FRMD6: variants seen among roughly 807,000 people sequenced by gnomAD.
The protein encoded by FRMD6 is FERM domain containing 6, also known as FERM domain-containing protein 6.
Under a neutral mutation model 73.2 loss-of-function variants are expected in FRMD6, and 37 were observed. The observed-to-expected ratio is 0.51, with a 90% CI of 0.39 to 0.66. FRMD6 has a LOEUF of 0.66. Among genes scored for constraint, FRMD6 ranks in the 30% least tolerant of loss-of-function variants. The pLI is 0.00. For missense variants in FRMD6, 714 were observed against 780.5 expected, an observed-to-expected ratio of 0.91 and a Z score of 1.02; for synonymous variants, 273 against 282.2, an observed-to-expected ratio of 0.97 and a Z score of 0.33.
intron 1 of FRMD6, among the ~76,000 whole-genome samples, chr14:51,502,079 T>C (rs1158982503): frequency 6.6e-6 from 1 of 152,218 alleles, no homozygotes; most frequent in East Asian, 1.9e-4. Flanking sequence ...GTTGTTTTTT[T>C]CTTGTAACTT....
the FRMD6 span, among the ~76,000 whole-genome samples, chr14:51,478,264 T>A: frequency 6.6e-6 from 1 of 152,222 alleles, no homozygotes; most frequent in Non-Finnish European, 1.5e-5. Flanking sequence ...AAGCTGAGGC[T>A]TTAAGAAACT....
chr14:51,537,170 C>T (rs1164415886), intron 1 of FRMD6, among the ~76,000 whole-genome samples: 1 of 152,194 alleles, frequency 6.6e-6, no homozygotes, highest in Non-Finnish European at 1.5e-5. Flanking sequence ...CCCTTTAGTG[C>T]TTTTCCTATT....
upstream of FRMD6, among the ~76,000 whole-genome samples, chr14:51,647,384 C>G (rs552228183): frequency 6.6e-6 from 1 of 152,256 alleles, no homozygotes; most frequent in South Asian, 2.1e-4. Flanking sequence ...AATCAATTTT[C>G]CTGACTTTTC....
the FRMD6 span, among the ~76,000 whole-genome samples, chr14:51,445,129 C>T: frequency 6.6e-6 from 1 of 152,142 alleles, no homozygotes; most frequent in Non-Finnish European, 1.5e-5. Context: ...TAGATTTGCT[C>T]CCTGCCAAGA....
intron 1 of FRMD6, among the ~76,000 whole-genome samples, chr14:51,498,254 A>G (rs1883414204): frequency 6.6e-6 from 1 of 152,350 alleles, no homozygotes; most frequent in South Asian, 2.1e-4. Context: ...ACAAGTTACC[A>G]CAGGAAATTA....
At chr14:51,496,457 G>A (rs1596494054) in intron 1 of FRMD6, among the ~76,000 whole-genome samples, 1 of 152,194 alleles carries the variant, frequency 6.6e-6, no homozygotes, top group African/African-American at 2.4e-5. Context: ...TCACTCCCAT[G>A]TCTGGGGCCT....
At chr14:51,477,375 A>G in the FRMD6 span, among the ~76,000 whole-genome samples, 49 of 152,312 alleles carry the variant, frequency 3.2e-4, no homozygotes, top group African/African-American at 1.2e-3. Flanking sequence ...TCATTTTCAT[A>G]TTTACAAGAA....
At chr14:51,706,513 T>C (rs1896630323) in intron 6 of FRMD6, among the ~76,000 whole-genome samples, 1 of 152,120 alleles carries the variant, frequency 6.6e-6, no homozygotes, top group Non-Finnish European at 1.5e-5. Flanking sequence ...GTCCTGCACC[T>C]TGAACTTTAG....
At chr14:51,585,393 G>A (rs1888970008) in intron 2 of FRMD6, among the ~76,000 whole-genome samples, 2 of 152,096 alleles carry the variant, frequency 1.3e-5, no homozygotes, top group Admixed American at 1.3e-4. Context: ...TTGTGATGAG[G>A]CTACAATTTA....
intron 1 of FRMD6, among the ~76,000 whole-genome samples, chr14:51,539,905 T>G (rs920829949): frequency 6.6e-5 from 10 of 152,176 alleles, no homozygotes; most frequent in East Asian, 1.9e-4. Flanking sequence ...ATTAGTTCAC[T>G]CTAACAAAAA....
At chr14:51,412,768 C>T in the FRMD6 span, among the ~76,000 whole-genome samples, 1 of 151,876 alleles carries the variant, frequency 6.6e-6, no homozygotes, top group Non-Finnish European at 1.5e-5. Context: ...AGGAGAATGA[C>T]ATGAACCGGG....
intron 1 of FRMD6, among the ~76,000 whole-genome samples, chr14:51,492,669 A>T (rs992843479): frequency 1.3e-5 from 2 of 152,228 alleles, no homozygotes; most frequent in Admixed American, 6.5e-5. Flanking sequence ...AAAGAATTGC[A>T]GATTTGAAAC....
chr14:51,701,306 T>C, intron 4 of FRMD6, 147 bp downstream of exon 4: 1 of 320,910 alleles, frequency 3.1e-6, no homozygotes, highest in Non-Finnish European at 5.8e-6. Flanking sequence ...ATATAGTATA[T>C]GTATAGTATA....
the FRMD6 span, among the ~76,000 whole-genome samples, chr14:51,410,427 A>G: frequency 9.0e-4 from 137 of 152,328 alleles, no homozygotes; most frequent in African/African-American, 3.1e-3. Flanking sequence ...TTTCTTCTAG[A>G]AGGAAAAATA....
chr14:51,402,233 C>G, the FRMD6 span, among the ~76,000 whole-genome samples: 2 of 152,156 alleles, frequency 1.3e-5, no homozygotes, highest in Non-Finnish European at 2.9e-5. Flanking sequence ...ATTTGAACTC[C>G]AGGTTTTAAA....
intron 1 of FRMD6, among the ~76,000 whole-genome samples, chr14:51,518,456 A>G (rs1884765513): frequency 6.6e-6 from 1 of 152,146 alleles, no homozygotes; most frequent in Non-Finnish European, 1.5e-5. Flanking sequence ...TCAGAAGCGC[A>G]TTTCCAGCTC....
intron 2 of FRMD6, chr14:51,643,793 G>C (rs1891924412): frequency 6.6e-6 from 1 of 152,154 alleles, no homozygotes; most frequent in Admixed American, 6.5e-5. Flanking sequence ...AGCAAATGGA[G>C]GCAAGGCCAC....
At chr14:51,611,823 T>C (rs918864406) in intron 2 of FRMD6, among the ~76,000 whole-genome samples, 1 of 152,190 alleles carries the variant, frequency 6.6e-6, no homozygotes, top group African/African-American at 2.4e-5. Context: ...CTAAGCATTA[T>C]GCTGTGAGTA....
At chr14:51,567,161 G>A (rs1056139027) in intron 1 of FRMD6, among the ~76,000 whole-genome samples, 1 of 152,158 alleles carries the variant, frequency 6.6e-6, no homozygotes, top group African/African-American at 2.4e-5. Context: ...CGTAGGCCAG[G>A]TTTTGACAGA....
Sources: gnomAD v4.1 joint callset for allele counts (sites outside exome capture counted in the v4.1 genomes callset) on GRCh38, gnomAD v4.1.1 for gene constraint, MANE v1.5 for transcripts, NCBI Gene and HGNC (gene_info 2026-07-23, HGNC 2026-07-21) for gene names.